ZMIZ1: variants seen among roughly 807,000 people sequenced by gnomAD.
The protein encoded by ZMIZ1 is zinc finger MIZ-type containing 1, also known as zinc finger MIZ domain-containing protein 1.
ZMIZ1 carries 17 observed loss-of-function variants against 113.9 expected under a neutral mutation model. That is an observed-to-expected ratio of 0.15 (90% CI 0.10 to 0.22). The LOEUF (loss-of-function observed/expected upper bound fraction) is 0.22. Ranked by LOEUF, ZMIZ1 falls within the 10% of genes least tolerant of loss-of-function variation. ZMIZ1 has a pLI of 1.00. For missense variants in ZMIZ1, 1,059 were observed against 1,477.8 expected, an observed-to-expected ratio of 0.72 and a Z score of 4.65; for synonymous variants, 607 against 603.1, an observed-to-expected ratio of 1.01 and a Z score of -0.09.
intron 7 of ZMIZ1, among the ~76,000 whole-genome samples, chr10:79,255,059 C>A (rs1023728054): frequency 2.6e-5 from 4 of 152,182 alleles, no homozygotes; most frequent in African/African-American, 7.2e-5. Flanking sequence ...TGCCTGTGGC[C>A]GCCCTGGGAG....
intron 7 of ZMIZ1, among the ~76,000 whole-genome samples, chr10:79,264,682 C>T (rs1184720558): frequency 6.6e-6 from 1 of 152,142 alleles, no homozygotes; most frequent in Non-Finnish European, 1.5e-5. Flanking sequence ...ACCCCACCTC[C>T]GGAGGGGCTT....
At chr10:79,137,826 T>TGGG (rs58837494) in intron 2 of ZMIZ1, among the ~76,000 whole-genome samples, 2 of 135,724 alleles carry the variant, frequency 1.5e-5, no homozygotes, top group African/African-American at 5.2e-5. Flanking sequence ...GGCCCTCGGC[T>TGGG]GGGGGGGGGG....
At chr10:79,280,194 G>A (rs146886528) in intron 8 of ZMIZ1, among the ~76,000 whole-genome samples, 6 of 152,062 alleles carry the variant, frequency 3.9e-5, no homozygotes, top group African/African-American at 1.5e-4. Context: ...GCCCAGGCTG[G>A]TCTCGAACTC....
intron 2 of ZMIZ1, among the ~76,000 whole-genome samples, chr10:79,131,913 T>G (rs1844790840): frequency 6.6e-6 from 1 of 152,192 alleles, no homozygotes; most frequent in Admixed American, 6.5e-5. Flanking sequence ...TCAGAGCGCG[T>G]TCCTGAGAGT....
intron 7 of ZMIZ1, among the ~76,000 whole-genome samples, chr10:79,245,945 A>G (rs1047825179): frequency 2.0e-5 from 3 of 152,254 alleles, no homozygotes; most frequent in Admixed American, 6.5e-5. Flanking sequence ...GACGACAGAC[A>G]GCGCTGTCCA....
rs544668548 is a variant in ZMIZ1, at chr10:79,296,097, TCACATTGGGGTA to T, written c.1231-363_1231-352del. 58 of 256,342 alleles carry T rather than the reference TCACATTGGGGTA, an allele frequency of 2.3e-4. 1 individual carries two copies. The East Asian group carries it at 4.6e-3, about 20-fold the overall frequency. 15.9% of individuals were successfully genotyped at this position (256,342 alleles called of 1,614,324 possible). A position where few individuals can be genotyped will look rare whatever the true frequency, so the allele number is the denominator to read the frequency against. ...GCATCCTGTTGACTGTGTTCCTCTG[TCACATTGGGGTA>T]CACATTGGGGAGCACAGCCCTAACC... On this transcript the variant is annotated intron_variant, in intron 12 of 24. Transcript: ENST00000334512. This position sits in a 1 kb window ranked among gnomAD's most constrained non-coding sequence, Gnocchi z 4.1.
At position 79,069,367 on chromosome 10, in the gene ZMIZ1, G is replaced by T. The variant is rs1286391247; in HGVS notation, c.-337+97G>T. On this transcript the variant is annotated intron_variant, in intron 1 of 24. Transcript: ENST00000334512. The surrounding 1 kb of genome is among the most constrained non-coding windows in gnomAD (Gnocchi z 4.6). Reference sequence around the variant, plus strand: ...TGCAAGCGTGGGGATTGGGTGCTGGGGTTTTTCCCTTAAAGTGTCCCCCGG... The same window carrying T: ...TGCAAGCGTGGGGATTGGGTGCTGGTGTTTTTCCCTTAAAGTGTCCCCCGG... 1 of 150,398 alleles carries T rather than the reference G, an allele frequency of 6.6e-6. No individual in the cohort carries two copies. Among genetic ancestry groups the T allele is most frequent in the Admixed American group, 6.6e-5 (1 of 15,128 alleles). The allele number at this position is 150,398 out of a possible 1,614,324, so 9.3% of individuals were successfully genotyped here. A position where few individuals can be genotyped will look rare whatever the true frequency, so the allele number is the denominator to read the frequency against.
chr10:79,195,744 A>G (rs1418938273), intron 4 of ZMIZ1, among the ~76,000 whole-genome samples: 1 of 152,212 alleles, frequency 6.6e-6, no homozygotes, highest in African/African-American at 2.4e-5. Flanking sequence ...GGGCCCAGTC[A>G]CAGCCGGAGG....
At chr10:79,160,395 A>G (rs1846064339) in intron 3 of ZMIZ1, among the ~76,000 whole-genome samples, 1 of 152,226 alleles carries the variant, frequency 6.6e-6, no homozygotes, top group African/African-American at 2.4e-5. Flanking sequence ...GCCCAGCACC[A>G]GCCCCCACGG....
intron 7 of ZMIZ1, among the ~76,000 whole-genome samples, chr10:79,261,273 C>G (rs1174113229): frequency 6.6e-6 from 1 of 152,360 alleles, no homozygotes; most frequent in South Asian, 2.1e-4. Context: ...CAGCTGGTCA[C>G]CCAGCTCCAA....
At chr10:79,120,601 C>T (rs1336483637) in intron 2 of ZMIZ1, among the ~76,000 whole-genome samples, 1 of 152,194 alleles carries the variant, frequency 6.6e-6, no homozygotes, top group African/African-American at 2.4e-5. Flanking sequence ...GACTCATTCC[C>T]CATCTGGAAA....
intron 1 of ZMIZ1, among the ~76,000 whole-genome samples, chr10:79,110,619 T>C (rs1218993047): frequency 2.0e-5 from 3 of 152,230 alleles, no homozygotes; most frequent in Non-Finnish European, 4.4e-5. Flanking sequence ...CTGTGCCCTC[T>C]GCAGCCACCC....
chr10:79,165,697 C>T lies in ZMIZ1; in HGVS notation c.-50+3564C>T, dbSNP rs147045373. ...GCCCAAGCATTCAGGCCGGAGAGTT[C>T]GGACCTGCCCTCCCACAGCTGGAGG... On this transcript the variant is annotated intron_variant, in intron 4 of 24. Coordinates refer to ENST00000334512, the MANE Select transcript of ZMIZ1 (RefSeq NM_020338.4). 5.1e-3 allele frequency among the ~76,000 whole-genome samples: 776 copies of T among 152,294 alleles called. 13 individuals carry two copies. The highest frequency in any genetic ancestry group is 0.024 in the East Asian group (126 of 5,172).
intron 8 of ZMIZ1, among the ~76,000 whole-genome samples, chr10:79,278,702 C>T (rs1852472368): frequency 6.6e-6 from 1 of 151,814 alleles, no homozygotes; most frequent in Non-Finnish European, 1.5e-5. Flanking sequence ...CGCCCTTAAT[C>T]CATTTAACCC....
intron 7 of ZMIZ1, among the ~76,000 whole-genome samples, chr10:79,238,852 G>T (rs1849699164): frequency 2.0e-5 from 3 of 152,212 alleles, no homozygotes; most frequent in Non-Finnish European, 4.4e-5. Context: ...CTTGGAAAAT[G>T]CCTGGAAGTG....
chr10:79,107,734 A>G (rs1340963432), intron 1 of ZMIZ1, among the ~76,000 whole-genome samples: 1 of 152,198 alleles, frequency 6.6e-6, no homozygotes, highest in Non-Finnish European at 1.5e-5. Flanking sequence ...TGATCCTGGC[A>G]GATAGCAACC....
chr10:79,296,747 G>C lies in ZMIZ1; in HGVS notation c.1413+94G>C, dbSNP rs1853923326. ...CCGGGATCACTCTGACCCTGCGTGT[G>C]TTTGCCCCAAGGACAGCGAGGGGTG... is the stretch of plus-strand genomic sequence containing the variant. On this transcript the variant is annotated intron_variant, in intron 13 of 24. Transcript: ENST00000334512. The surrounding 1 kb of genome is among the most constrained non-coding windows in gnomAD (Gnocchi z 4.1). 3.1e-6 allele frequency: 4 copies of C among 1,308,898 alleles called. No homozygotes were observed. The highest frequency in any genetic ancestry group is 4.1e-6 in the Non-Finnish European group (4 of 972,084). 81.1% of individuals were successfully genotyped at this position (1,308,898 alleles called of 1,614,324 possible). A position where few individuals can be genotyped will look rare whatever the true frequency, so the allele number is the denominator to read the frequency against.
intron 3 of ZMIZ1, among the ~76,000 whole-genome samples, chr10:79,149,715 C>G (rs1845634741): frequency 6.6e-6 from 1 of 152,246 alleles, no homozygotes; most frequent in African/African-American, 2.4e-5. Context: ...AGAGCTCGCC[C>G]TCCAGGAAGT....
chr10:79,250,090 C>A (rs553958731), intron 7 of ZMIZ1, among the ~76,000 whole-genome samples: 19 of 152,324 alleles, frequency 1.2e-4, no homozygotes, highest in Admixed American at 1.2e-3. Context: ...ATAGTAACGT[C>A]TCAGTAGCTG....
Sources: gnomAD v4.1 joint callset for allele counts (sites outside exome capture counted in the v4.1 genomes callset) on GRCh38, gnomAD v4.1.1 for gene constraint, Gnocchi (gnomAD v3.1) non-coding constraint, MANE v1.5 for transcripts, NCBI Gene and HGNC (gene_info 2026-07-23, HGNC 2026-07-21) for gene names.